The following CDKL1 variants were observed in gnomAD, a reference collection of about 807,000 sequenced individuals.
CDKL1 encodes the protein cyclin-dependent kinase-like 1.
A neutral mutation model predicts 42.0 loss-of-function variants in CDKL1; 41 were observed. That is an observed-to-expected ratio of 0.98 (90% CI 0.76 to 1.27). The LOEUF (loss-of-function observed/expected upper bound fraction) is 1.27, where lower values mean the gene tolerates loss of function less well. Among genes scored for constraint, CDKL1 ranks in the 50% most tolerant of loss-of-function variants. The pLI is 0.00. For missense variants in CDKL1, 394 were observed against 428.4 expected (o/e 0.92, Z 0.71); for synonymous variants, 153 against 158.6 (o/e 0.96, Z 0.26).
At position 50,326,451 on chromosome 14, in the gene CDKL1, C is replaced by T; in HGVS notation, c.*3623G>A. The T allele has an allele frequency of 2.0e-6, 2 of 985,022 alleles. No individual in the cohort carries two copies. Among genetic ancestry groups the T allele is most frequent in the Non-Finnish European group, 2.4e-6 (2 of 829,684 alleles). The allele number at this position is 985,022 out of a possible 1,614,324, so 61.0% of individuals were successfully genotyped here. A position where few individuals can be genotyped will look rare whatever the true frequency, so the allele number is the denominator to read the frequency against. On this transcript the variant is annotated 3_prime_UTR_variant, in exon 10 of 10. Coordinates refer to ENST00000395834, the MANE Select transcript of CDKL1 (RefSeq NM_004196.7). ...TTATGAAAAATTAGAAGCTAAATTA[C>T]AGATTCATTGATGGAGTCAATTATG... is the stretch of plus-strand genomic sequence containing the variant.
chr14:50,396,627 G>C (rs2035415797), intron 1 of CDKL1, 197 bp downstream of exon 1: 1 of 229,778 alleles, frequency 4.4e-6, no homozygotes, highest in African/African-American at 2.3e-5. Flanking sequence ...GCGGCAAGAA[G>C]ACACCTCCCG....
intron 3 of CDKL1, chr14:50,358,086 A>T: frequency 1.5e-6 from 2 of 1,360,366 alleles, no homozygotes; most frequent in Non-Finnish European, 2.0e-6. Context: ...TTTTTCTTGG[A>T]CAAGGCCTCT....
intron 4 of CDKL1, chr14:50,343,155 C>CT (rs3049935): frequency 0.043 from 12,493 of 289,928 alleles, 65 homozygotes; most frequent in South Asian, 0.05. Context: ...TTAAGAGTTA[C>CT]TTTTTTTTTT....
intron 3 of CDKL1, among the ~76,000 whole-genome samples, chr14:50,349,554 C>T: frequency 6.6e-6 from 1 of 152,190 alleles, no homozygotes; most frequent in East Asian, 1.9e-4. Context: ...CCCATCCTGA[C>T]AGGACAGTGT....
At chr14:50,345,099 G>T in intron 3 of CDKL1, 41 bp from the exon 4 acceptor site, 1 of 1,573,598 alleles carries the variant, frequency 6.4e-7, no homozygotes, top group Non-Finnish European at 8.7e-7. Flanking sequence ...CTTTAGTGTA[G>T]CCATGGAATT....
intron 2 of CDKL1, among the ~76,000 whole-genome samples, chr14:50,369,282 TG>T (rs1566598631): frequency 6.6e-6 from 1 of 152,146 alleles, no homozygotes; most frequent in Non-Finnish European, 1.5e-5. Context: ...GAGCTAGGGC[TG>T]AGAGCAGCTG....
chr14:50,373,863 T>C (rs1341005266), intron 2 of CDKL1, among the ~76,000 whole-genome samples: 4 of 152,198 alleles, frequency 2.6e-5, no homozygotes, highest in Non-Finnish European at 5.9e-5. Context: ...GGAAAACAGT[T>C]TGGCAGTTTC....
In CDKL1 at chr14:50,328,628, C is replaced by T. The variant is rs2032793388; in HGVS notation, c.*1446G>A. On this transcript the variant is annotated 3_prime_UTR_variant, in exon 10 of 10. Transcript: ENST00000395834. ...GAAACAGACGTCAGGCTTCATATTG[C>T]CCTTGTGTCCAGGGGACAAGGATGA... is the stretch of plus-strand genomic sequence containing the variant. The T allele has an allele frequency of 6.6e-6, 1 of 152,112 alleles. No individual in the cohort carries two copies. Among genetic ancestry groups the T allele is most frequent in the South Asian group, 2.1e-4 (1 of 4,814 alleles). The allele number at this position is 152,112 out of a possible 1,614,324, so 9.4% of individuals were successfully genotyped here.
chr14:50,375,067 C>A (rs536965380), intron 2 of CDKL1, among the ~76,000 whole-genome samples: 1 of 152,028 alleles, frequency 6.6e-6, no homozygotes, highest in African/African-American at 2.4e-5. Flanking sequence ...AACAAACCCA[C>A]ACATTCTGCA....
chr14:50,383,570 C>CA (rs1595368502), intron 2 of CDKL1, among the ~76,000 whole-genome samples: 22 of 54,890 alleles, frequency 4.0e-4, no homozygotes, highest in East Asian at 2.8e-3. Context: ...AAAAAACAAA[C>CA]AACAACAACA....
intron 2 of CDKL1, among the ~76,000 whole-genome samples, chr14:50,383,162 C>T (rs1205900355): frequency 2.6e-5 from 4 of 151,754 alleles, no homozygotes; most frequent in South Asian, 2.1e-4. Flanking sequence ...CTCCTGACCT[C>T]GTGATCCATC....
At chr14:50,377,733 C>T (rs148388987) in intron 2 of CDKL1, 16 of 1,265,140 alleles carry the variant, frequency 1.3e-5, no homozygotes, top group Admixed American at 5.1e-5. Context: ...TTCGGCACTG[C>T]AGTGGCACAT....
chr14:50,391,456 C>T (rs1213924369), intron 2 of CDKL1, among the ~76,000 whole-genome samples: 2 of 152,340 alleles, frequency 1.3e-5, no homozygotes, highest in Non-Finnish European at 2.9e-5. Context: ...GATCTCAGTT[C>T]ACTGGAGCCT....
intron 2 of CDKL1, among the ~76,000 whole-genome samples, chr14:50,375,789 T>C (rs1033404118): frequency 6.6e-6 from 1 of 151,306 alleles, no homozygotes; most frequent in African/African-American, 2.4e-5. Context: ...AGAGCGAGAC[T>C]CCATCTCAAA....
intron 3 of CDKL1, among the ~76,000 whole-genome samples, chr14:50,347,686 T>A (rs1191062956): frequency 6.6e-6 from 1 of 152,162 alleles, no homozygotes; most frequent in Non-Finnish European, 1.5e-5. Flanking sequence ...GAGTCAGCAA[T>A]TCTACATTCA....
chr14:50,366,416 G>A (rs768354510), intron 2 of CDKL1, among the ~76,000 whole-genome samples: 4 of 152,202 alleles, frequency 2.6e-5, no homozygotes, highest in Non-Finnish European at 5.9e-5. Flanking sequence ...AGTGTGGCTG[G>A]TGGGTGAAGC....
chr14:50,375,160 C>T (rs554826743), intron 2 of CDKL1, among the ~76,000 whole-genome samples: 3 of 152,136 alleles, frequency 2.0e-5, no homozygotes, highest in South Asian at 4.2e-4. Context: ...ATAAGATGAA[C>T]ATGGAGCATC....
chr14:50,381,754 TTTTGTTTG>T (rs150473733), intron 2 of CDKL1, among the ~76,000 whole-genome samples: 67,419 of 150,932 alleles, frequency 0.45, 15,169 homozygotes, highest in East Asian at 0.61. Flanking sequence ...CTGTGTGGTT[TTTTGTTTG>T]TTTGTTTGTT....
chr14:50,395,053 T>C (rs997707884), intron 2 of CDKL1, among the ~76,000 whole-genome samples: 6 of 152,250 alleles, frequency 3.9e-5, no homozygotes, highest in Non-Finnish European at 5.9e-5. Flanking sequence ...GACATGATGA[T>C]GCTCAGCAGT....
Sources: allele counts gnomAD v4.1 joint callset (sites outside exome capture counted in the v4.1 genomes callset), GRCh38; gene constraint gnomAD v4.1.1; transcripts MANE v1.5; gene names NCBI Gene and HGNC (gene_info 2026-07-23, HGNC 2026-07-21).